TNFRSF21: variants seen among roughly 807,000 people sequenced by gnomAD.
TNFRSF21 encodes tumor necrosis factor receptor superfamily member 21.
Under a neutral mutation model 45.6 loss-of-function variants are expected in TNFRSF21, and 19 were observed. That is an observed-to-expected ratio of 0.42 (90% CI 0.29 to 0.61). The LOEUF (loss-of-function observed/expected upper bound fraction) is 0.61, where lower values mean the gene tolerates loss of function less well. Among genes scored for constraint, TNFRSF21 ranks in the 20% least tolerant of loss-of-function variants. TNFRSF21 has a pLI of 0.23. For missense variants in TNFRSF21, 737 were observed against 851.5 expected, an observed-to-expected ratio of 0.87 and a Z score of 1.67; for synonymous variants, 314 against 335.5, an observed-to-expected ratio of 0.94 and a Z score of 0.70.
Position 47,232,697 on chromosome 6 carries a change from C to T in TNFRSF21, c.*68G>A. 1.4e-6 allele frequency: 2 copies of T among 1,440,722 alleles called. No individual in the cohort carries two copies. The highest frequency in any genetic ancestry group is 1.9e-6 in the Non-Finnish European group (2 of 1,035,176). The allele number at this position is 1,440,722 out of a possible 1,614,324, so 89.2% of individuals were successfully genotyped here. On this transcript the variant is annotated 3_prime_UTR_variant, in exon 6 of 6. Coordinates refer to ENST00000296861, the MANE Select transcript of TNFRSF21 (RefSeq NM_014452.5). Reference sequence around the variant, plus strand: ...CACCCCAAACAACAAAAATCAGAAACAGAAGAAAATTAAAAAACCACCCTG... The same window carrying T: ...CACCCCAAACAACAAAAATCAGAAATAGAAGAAAATTAAAAAACCACCCTG...
At chr6:47,273,475 A>AT (rs1762455888) in intron 3 of TNFRSF21, among the ~76,000 whole-genome samples, 2 of 152,186 alleles carry the variant, frequency 1.3e-5, no homozygotes, top group African/African-American at 4.8e-5. Flanking sequence ...TTCATGCTAA[A>AT]AAATCTCAAT....
At chr6:47,283,214 C>A (rs1214877079) in intron 3 of TNFRSF21, among the ~76,000 whole-genome samples, 2 of 152,114 alleles carry the variant, frequency 1.3e-5, no homozygotes, top group East Asian at 1.9e-4. Flanking sequence ...AGCTCTGGGA[C>A]AAGTTCTATA....
At chr6:47,240,643 C>T (rs1326392200) in intron 4 of TNFRSF21, among the ~76,000 whole-genome samples, 4 of 152,206 alleles carry the variant, frequency 2.6e-5, no homozygotes, top group Non-Finnish European at 5.9e-5. Flanking sequence ...AAACTGATTA[C>T]AAGCGATCAC....
rs542330851 is a variant in TNFRSF21, at chr6:47,253,937, G to C, written c.1244-416C>G. Among the ~76,000 whole-genome samples, 58 of 152,274 alleles carry C rather than the reference G, an allele frequency of 3.8e-4. 1 individual carries two copies. In the South Asian group the frequency reaches 0.011, roughly 29 times the overall value. ...TGGTACAGAGCCCTATACATACTACGCATGAATTTCTTTTTCCTTCTTCAC... is the reference window on the plus strand; with the variant it reads ...TGGTACAGAGCCCTATACATACTACCCATGAATTTCTTTTTCCTTCTTCAC... On this transcript the variant is annotated intron_variant, in intron 3 of 5. Coordinates refer to ENST00000296861, the MANE Select transcript of TNFRSF21 (RefSeq NM_014452.5).
intron 3 of TNFRSF21, among the ~76,000 whole-genome samples, chr6:47,258,852 C>T (rs1765028036): frequency 6.6e-6 from 1 of 152,304 alleles, no homozygotes; most frequent in Non-Finnish European, 1.5e-5. Flanking sequence ...GCTTTGAAAA[C>T]CATACAGTCT....
At chr6:47,292,573 T>C (rs142607625) in intron 1 of TNFRSF21, among the ~76,000 whole-genome samples, 68 of 152,330 alleles carry the variant, frequency 4.5e-4, no homozygotes, top group African/African-American at 1.2e-3. Flanking sequence ...TTTTGGAGAC[T>C]GCCCAATCGC....
intron 1 of TNFRSF21, among the ~76,000 whole-genome samples, chr6:47,299,571 A>C (rs1762838031): frequency 6.6e-6 from 1 of 152,176 alleles, no homozygotes; most frequent in African/African-American, 2.4e-5. Context: ...AATAAAACTA[A>C]AAATGTATAT....
At chr6:47,251,313 A>G (rs1359048117) in intron 4 of TNFRSF21, among the ~76,000 whole-genome samples, 1 of 152,220 alleles carries the variant, frequency 6.6e-6, no homozygotes, top group Non-Finnish European at 1.5e-5. Flanking sequence ...AGCAGAACCA[A>G]CGAGAAAGTT....
At position 47,232,541 on chromosome 6, in the gene TNFRSF21, C is replaced by A; in HGVS notation, c.*224G>T. ...GTTACACCTGGCAAAGGCTTATAAA[C>A]CAACTTCCCAGAAGAGTTATTTAAA... On this transcript the variant is annotated 3_prime_UTR_variant, in exon 6 of 6. Coordinates refer to ENST00000296861, the MANE Select transcript of TNFRSF21 (RefSeq NM_014452.5). 1.9e-6 allele frequency: 1 copy of A among 514,460 alleles called. No individual in the cohort carries two copies. The highest frequency in any genetic ancestry group is 3.2e-5 in the East Asian group (1 of 31,440). 31.9% of individuals were successfully genotyped at this position (514,460 alleles called of 1,614,324 possible).
intron 3 of TNFRSF21, among the ~76,000 whole-genome samples, chr6:47,261,405 C>CT (rs1233521307): frequency 6.6e-6 from 1 of 152,178 alleles, no homozygotes; most frequent in Non-Finnish European, 1.5e-5. Context: ...GAATGAGAGT[C>CT]TTTTTTTGTC....
In TNFRSF21 at chr6:47,309,590, A is replaced by G. The variant is rs923594286; in HGVS notation, c.-79T>C. On this transcript the variant is annotated 5_prime_UTR_variant, in exon 1 of 6. The change abolishes an upstream ATG in the 5' untranslated region. Coordinates refer to ENST00000296861, the MANE Select transcript of TNFRSF21 (RefSeq NM_014452.5). ...GGCGGCTGCTTCTGCCCAGCGCCGCATCCACCGCCGCCTCCCGGGCCGGGA... is the reference window on the plus strand; with the variant it reads ...GGCGGCTGCTTCTGCCCAGCGCCGCGTCCACCGCCGCCTCCCGGGCCGGGA... The G allele has an allele frequency of 7.3e-6, 10 of 1,369,534 alleles. No homozygotes were observed. In the African/African-American group the frequency reaches 1.4e-4, roughly 19 times the overall value. 84.8% of individuals were successfully genotyped at this position (1,369,534 alleles called of 1,614,324 possible). A position where few individuals can be genotyped will look rare whatever the true frequency, so the allele number is the denominator to read the frequency against.
intron 1 of TNFRSF21, among the ~76,000 whole-genome samples, chr6:47,296,066 T>C (rs1762786001): frequency 1.3e-5 from 2 of 152,168 alleles, no homozygotes; most frequent in Admixed American, 1.3e-4. Flanking sequence ...TCCTTAGAAA[T>C]AACTATTTCT....
chr6:47,304,163 G>A (rs942042672), intron 1 of TNFRSF21, among the ~76,000 whole-genome samples: 1 of 151,892 alleles, frequency 6.6e-6, no homozygotes, highest in Non-Finnish European at 1.5e-5. Context: ...CCTGCTTGGG[G>A]AAAGAAAGCC....
chr6:47,284,100 C>T lies in TNFRSF21; in HGVS notation c.1081G>A (p.Val361Met), dbSNP rs777253802. 9 of 1,614,090 alleles carry T rather than the reference C, an allele frequency of 5.6e-6. No homozygotes were observed. Among genetic ancestry groups the T allele is most frequent in the African/African-American group, 2.7e-5 (2 of 74,918 alleles). ...PWMIVLFLLL[V>M]LVVIVVCSIR... ...CTGCACACCACAATCACCACAAGCA[C>T]CAGCAGCAGGAAAAGCACAATCATC... is the stretch of plus-strand genomic sequence containing the variant. The change falls in exon 3 of 6, where the codon GTG (valine) becomes ATG (methionine). Residue 361 changes from valine to methionine, a missense_variant. Transcript: ENST00000296861.
intron 3 of TNFRSF21, among the ~76,000 whole-genome samples, chr6:47,254,756 T>G (rs1054186867): frequency 6.6e-6 from 1 of 152,238 alleles, no homozygotes; most frequent in Non-Finnish European, 1.5e-5. Context: ...TTGGCTTGCA[T>G]AGTTATAATG....
intron 3 of TNFRSF21, among the ~76,000 whole-genome samples, chr6:47,268,992 T>C (rs1468164969): frequency 6.6e-6 from 1 of 152,220 alleles, no homozygotes; most frequent in Non-Finnish European, 1.5e-5. Flanking sequence ...AGAAGAACCC[T>C]GCAGTCCTTT....
At chr6:47,265,561 C>T (rs1762319876) in intron 3 of TNFRSF21, among the ~76,000 whole-genome samples, 2 of 152,148 alleles carry the variant, frequency 1.3e-5, no homozygotes, top group South Asian at 4.1e-4. Context: ...GGGGAAGTTA[C>T]TCTTCAAACC....
chr6:47,269,157 T>G (rs947074868), intron 3 of TNFRSF21, among the ~76,000 whole-genome samples: 1 of 151,982 alleles, frequency 6.6e-6, no homozygotes, highest in Non-Finnish European at 1.5e-5. Flanking sequence ...ATGAGAGGAC[T>G]GGACTAAGTG....
intron 3 of TNFRSF21, among the ~76,000 whole-genome samples, chr6:47,261,914 C>A (rs1228094406): frequency 6.6e-6 from 1 of 152,206 alleles, no homozygotes; most frequent in Non-Finnish European, 1.5e-5. Flanking sequence ...CAGTAACTTC[C>A]AGTGCATCCA....
Sources: gnomAD v4.1 joint callset for allele counts (sites outside exome capture counted in the v4.1 genomes callset) on GRCh38, gnomAD v4.1.1 for gene constraint, MANE v1.5 for transcripts, NCBI Gene and HGNC (gene_info 2026-07-23, HGNC 2026-07-21) for gene names.